PCDH19: variants seen among roughly 807,000 people sequenced by gnomAD.
PCDH19 encodes the protein protocadherin-19.
PCDH19 carries 6 observed loss-of-function variants against 46.2 expected under a neutral mutation model. The ratio of observed to expected loss-of-function variants is 0.13; its 90% CI spans 0.07 to 0.26. PCDH19 has a LOEUF of 0.26. PCDH19 is among the 10% of genes least tolerant of loss of function. PCDH19 has a pLI of 1.00. For missense variants in PCDH19, 740 were observed against 972.3 expected (o/e 0.76, Z 3.18); for synonymous variants, 481 against 415.7 (o/e 1.16, Z -1.91).
chrX:100,315,110 G>A (rs753862532), intron 5 of PCDH19, among the ~76,000 whole-genome samples: 4 of 112,380 alleles, frequency 3.6e-5, no homozygotes, highest in Non-Finnish European at 7.5e-5. Flanking sequence ...AACCTTGAGA[G>A]TAAGCCTGAC....
intron 3 of PCDH19, among the ~76,000 whole-genome samples, chrX:100,385,073 C>T (rs1336633742): frequency 3.7e-5 from 4 of 106,731 alleles, no homozygotes; most frequent in African/African-American, 6.9e-5. Context: ...GCAGGAGAAT[C>T]GCTTGAACCT....
chrX:100,408,444 C>G lies in PCDH19; in HGVS notation c.154G>C (p.Ala52Pro), dbSNP rs1928476742. The change falls in exon 1 of 6, where the codon GCG becomes CCG. Residue 52 changes from alanine to proline, a missense_variant. Physicochemically the swap from Ala to Pro is conservative, Grantham distance 27. Coordinates refer to ENST00000373034, the MANE Select transcript of PCDH19 (RefSeq NM_001184880.2). ...VAKDAREAGF[A>P]LDPRQASAFR... ...GCTGAAGCCTGCCGGGGGTCCAGCG[C>G]GAAGCCCGCCTCTCGCGCGTCTTTG... 9.1e-6 allele frequency: 11 copies of G among 1,202,408 alleles called. No homozygotes were observed. The highest frequency in any genetic ancestry group is 1.2e-5 in the Non-Finnish European group (11 of 892,779).
At chrX:100,371,018 T>C (rs1342583379) in intron 3 of PCDH19, among the ~76,000 whole-genome samples, 1 of 109,606 alleles carries the variant, frequency 9.1e-6, no homozygotes, top group Non-Finnish European at 1.9e-5. Context: ...TGTGTGTGTG[T>C]GTGTGTGGGT....
At position 100,384,984 on chromosome X, in the gene PCDH19, A is replaced by T. The variant is rs895002038; in HGVS notation, c.2616+17540T>A. Among the ~76,000 whole-genome samples the T allele has an allele frequency of 1.0e-3, 109 of 109,393 alleles. 1 individual carries two copies. Among genetic ancestry groups the T allele is most frequent in the Admixed American group, 6.1e-3 (62 of 10,233 alleles). The allele number at this position is 109,393 out of a possible 115,157, so 95.0% of individuals were successfully genotyped here. A position where few individuals can be genotyped will look rare whatever the true frequency, so the allele number is the denominator to read the frequency against. ...GACCAGCCTGGCCAACAGGGTGAAA[A>T]CCTGTCTCTACTAAAAATACAAAAA... On this transcript the variant is annotated intron_variant, in intron 3 of 5. Transcript: ENST00000373034.
chrX:100,355,264 T>C (rs1011264067), intron 3 of PCDH19, among the ~76,000 whole-genome samples: 12 of 111,767 alleles, frequency 1.1e-4, no homozygotes, highest in African/African-American at 3.9e-4. Flanking sequence ...GTTGCCCTCC[T>C]TAAAATAGGG....
chrX:100,311,135 C>T (rs1407407120), intron 5 of PCDH19, among the ~76,000 whole-genome samples: 1 of 111,033 alleles, frequency 9.0e-6, no homozygotes, highest in East Asian at 2.9e-4. Flanking sequence ...AGAGAGCTAC[C>T]GCGCCCAGTC....
At chrX:100,300,463 C>G (rs1016198270) in intron 5 of PCDH19, among the ~76,000 whole-genome samples, 2 of 111,597 alleles carry the variant, frequency 1.8e-5, no homozygotes, top group Non-Finnish European at 3.8e-5. Flanking sequence ...TAAGTTCCTG[C>G]TGAGATTCTT....
Position 100,407,120 on chromosome X carries a change from A to T in PCDH19, c.1478T>A (p.Val493Glu), listed in dbSNP as rs1060502177. 1 of 1,212,144 alleles carries T rather than the reference A, an allele frequency of 8.2e-7. No homozygotes were observed. Among genetic ancestry groups the T allele is most frequent in the Non-Finnish European group, 1.1e-6 (1 of 895,617 alleles). ...AGGCATGTCCCGCACCTGCGACGGC[A>T]CGATCTGGTAGGAGACACTGCCGTT... ...GLNGSVSYQI[V>E]PSQVRDMPVF... The change falls in exon 1 of 6, where the codon GTG (valine) becomes GAG (glutamate). Residue 493 changes from valine (V) to glutamate (E), a missense_variant. By Grantham distance (121) the Val-to-Glu change is moderately radical. This residue lies in a region of PCDH19 where 186 missense variants were observed against 319.9 expected (regional missense o/e 0.58). Coordinates refer to ENST00000373034, the MANE Select transcript of PCDH19 (RefSeq NM_001184880.2).
intron 5 of PCDH19, among the ~76,000 whole-genome samples, chrX:100,334,821 G>A (rs910128069): frequency 3.2e-5 from 3 of 94,994 alleles, no homozygotes; most frequent in Admixed American, 1.3e-4. Flanking sequence ...TATACATATA[G>A]ATATACACAT....
intron 3 of PCDH19, among the ~76,000 whole-genome samples, chrX:100,360,250 A>G (rs369499091): frequency 8.9e-6 from 1 of 112,186 alleles, no homozygotes; most frequent in South Asian, 3.7e-4. Flanking sequence ...AGCCTTTGGC[A>G]TATCATTCTA....
At chrX:100,363,033 C>T (rs1926938437) in intron 3 of PCDH19, among the ~76,000 whole-genome samples, 4 of 110,782 alleles carry the variant, frequency 3.6e-5, no homozygotes, top group African/African-American at 9.9e-5. Flanking sequence ...CAGCCGAGTG[C>T]GGTGGCTCAC....
Position 100,376,926 on chromosome X carries a change from C to G in PCDH19, c.2616+25598G>C, listed in dbSNP as rs760055648. ...GTAATGCCTTCTCCACTTTCTGTTG[C>G]TTGTGGGAAACCATGACTTGCTCCA... On this transcript the variant is annotated intron_variant, in intron 3 of 5. Transcript: ENST00000373034. 2.0e-4 allele frequency among the ~76,000 whole-genome samples: 23 copies of G among 112,390 alleles called. No homozygotes were observed. The East Asian group carries it at 6.4e-3, about 31-fold the overall frequency.
At chrX:100,401,028 T>G (rs1928164441) in intron 3 of PCDH19, among the ~76,000 whole-genome samples, 3 of 111,388 alleles carry the variant, frequency 2.7e-5, no homozygotes, top group African/African-American at 9.8e-5. Context: ...CTCTGTTTCA[T>G]CATCTACTGA....
chrX:100,338,521 C>CA (rs67274603), intron 5 of PCDH19, among the ~76,000 whole-genome samples: 81 of 57,656 alleles, frequency 1.4e-3, no homozygotes, highest in South Asian at 6.9e-3. Context: ...GACTCTGTCT[C>CA]AAAAAAAAAA....
chrX:100,372,887 C>T (rs1927266724), intron 3 of PCDH19, among the ~76,000 whole-genome samples: 1 of 112,245 alleles, frequency 8.9e-6, no homozygotes, highest in Admixed American at 9.4e-5. Context: ...AATAATGTTT[C>T]CAGTCTCAAA....
chrX:100,308,928 G>A (rs1925038112), intron 5 of PCDH19, among the ~76,000 whole-genome samples: 1 of 111,801 alleles, frequency 8.9e-6, no homozygotes, highest in Admixed American at 9.5e-5. Context: ...TGGTGAGTAT[G>A]TAAACTAGTA....
chrX:100,322,865 A>ATATATATATATATTTTTTTTTTTTT, intron 5 of PCDH19, among the ~76,000 whole-genome samples: 1 of 54,414 alleles, frequency 1.8e-5, no homozygotes, highest in African/African-American at 8.4e-5. Flanking sequence ...ATATATATAT[A>ATATATATATATATTTTTTTTTTTTT]TTTTTGCAGC....
At chrX:100,297,263 A>G (rs774655700) in intron 5 of PCDH19, among the ~76,000 whole-genome samples, 1 of 111,641 alleles carries the variant, frequency 9.0e-6, no homozygotes, top group Non-Finnish European at 1.9e-5. Context: ...GAGGCAGGGA[A>G]GGGAATCCAA....
At chrX:100,305,653 G>A (rs1026995808) in intron 5 of PCDH19, among the ~76,000 whole-genome samples, 3 of 111,641 alleles carry the variant, frequency 2.7e-5, no homozygotes, top group Non-Finnish European at 3.8e-5. Flanking sequence ...CACCAACCAC[G>A]TTTCTGCTGT....
Sources: gnomAD v4.1 joint callset for allele counts (sites outside exome capture counted in the v4.1 genomes callset) on GRCh38, gnomAD v4.1.1 for gene constraint, gnomAD v4.1.1 regional missense constraint, MANE v1.5 for transcripts, NCBI Gene and HGNC (gene_info 2026-07-23, HGNC 2026-07-21) for gene names.